CCDC102B: variants seen among roughly 807,000 people sequenced by gnomAD.
CCDC102B encodes coiled-coil domain-containing protein 102B.
CCDC102B carries 75 observed loss-of-function variants against 57.4 expected under a neutral mutation model. The observed-to-expected ratio is 1.31, with a 90% CI of 1.08 to 1.58. The LOEUF is 1.58. Among genes scored for constraint, CCDC102B ranks in the 40% most tolerant of loss-of-function variants. The probability of loss-of-function intolerance (pLI) is 0.00; values close to 1 mark genes in which losing one functional copy is unlikely to be tolerated. For missense variants in CCDC102B, 636 were observed against 582.6 expected (o/e 1.09, Z -0.94); for synonymous variants, 206 against 201.9 (o/e 1.02, Z -0.17).
intron 7 of CCDC102B, among the ~76,000 whole-genome samples, chr18:69,050,101 G>A (rs1228026368): frequency 9.2e-5 from 14 of 152,090 alleles, no homozygotes; most frequent in Non-Finnish European, 1.0e-4. Flanking sequence ...GAGCCACTGC[G>A]CACGGCCTTA....
chr18:68,733,796 T>G (rs985538631), intron 2 of CCDC102B, among the ~76,000 whole-genome samples: 2 of 152,122 alleles, frequency 1.3e-5, no homozygotes, highest in East Asian at 1.9e-4. Flanking sequence ...TCTTTCCACT[T>G]TGTGATGCCT....
intron 6 of CCDC102B, chr18:68,908,566 T>C (rs1264240522): frequency 6.6e-6 from 1 of 152,160 alleles, no homozygotes; most frequent in Non-Finnish European, 1.5e-5. Context: ...TGCATTCTGT[T>C]TACTTTCACC....
chr18:68,926,141 C>A (rs537249242), intron 6 of CCDC102B, among the ~76,000 whole-genome samples: 1 of 151,844 alleles, frequency 6.6e-6, no homozygotes, highest in South Asian at 2.1e-4. Context: ...TTTCATGATT[C>A]TTTCTTAAAT....
chr18:68,995,574 T>C (rs973586616), intron 6 of CCDC102B, among the ~76,000 whole-genome samples: 2 of 151,974 alleles, frequency 1.3e-5, no homozygotes, highest in Admixed American at 6.6e-5. Flanking sequence ...TTCCACATGG[T>C]GTTCGGCCTG....
At chr18:68,737,010 G>A (rs776151587) in intron 2 of CCDC102B, among the ~76,000 whole-genome samples, 1 of 152,002 alleles carries the variant, frequency 6.6e-6, no homozygotes, top group South Asian at 2.1e-4. Context: ...ACAAGAGTTG[G>A]TTAAGTCTTG....
intron 6 of CCDC102B, among the ~76,000 whole-genome samples, chr18:69,008,495 C>T (rs1007994172): frequency 1.3e-5 from 2 of 152,108 alleles, no homozygotes; most frequent in African/African-American, 4.8e-5. Context: ...GATTTTGACT[C>T]CTATGGAATG....
In CCDC102B at chr18:68,970,371, A is replaced by G. The variant is rs148220628; in HGVS notation, c.1264-40563A>G. Among the ~76,000 whole-genome samples, 5 of 152,168 alleles carry G rather than the reference A, an allele frequency of 3.3e-5. No homozygotes were observed. In the East Asian group the frequency reaches 9.7e-4, roughly 29 times the overall value. ...ATATTCATGTTTTATCCTACATAAT[A>G]CTTCATTTAAAATATTTGTCCATGT... On this transcript the variant is annotated intron_variant, in intron 6 of 7. Coordinates refer to ENST00000360242, the MANE Select transcript of CCDC102B (RefSeq NM_024781.3).
Position 68,897,036 on chromosome 18 carries a change from T to C in CCDC102B, c.1054-183T>C, listed in dbSNP as rs188155071. Among the ~76,000 whole-genome samples, 30 of 152,166 alleles carry C rather than the reference T, an allele frequency of 2.0e-4. No homozygotes were observed. In the East Asian group the frequency reaches 5.6e-3, roughly 28 times the overall value. ...AGAGGAAAAGTATATTTATCTACGGTTTGGCCTGATCTTAGGATTTTTGTA... is the reference window on the plus strand; with the variant it reads ...AGAGGAAAAGTATATTTATCTACGGCTTGGCCTGATCTTAGGATTTTTGTA... On this transcript the variant is annotated intron_variant, in intron 5 of 7. Coordinates refer to ENST00000360242, the MANE Select transcript of CCDC102B (RefSeq NM_024781.3).
chr18:69,019,816 A>T (rs1161026598), intron 7 of CCDC102B, among the ~76,000 whole-genome samples: 1 of 152,100 alleles, frequency 6.6e-6, no homozygotes, highest in Non-Finnish European at 1.5e-5. Context: ...CTTGGAAGAA[A>T]TTTTTTGAGT....
chr18:68,903,140 A>G (rs1481321257), intron 6 of CCDC102B, among the ~76,000 whole-genome samples: 2 of 152,244 alleles, frequency 1.3e-5, no homozygotes, highest in African/African-American at 4.8e-5. Flanking sequence ...TCTAATTGAC[A>G]TAATTGAGAG....
At chr18:68,910,779 C>T (rs1476362389) in intron 6 of CCDC102B, among the ~76,000 whole-genome samples, 3 of 152,106 alleles carry the variant, frequency 2.0e-5, no homozygotes, top group African/African-American at 7.2e-5. Context: ...GTTTGACTTC[C>T]TCTGAAATCT....
chr18:68,967,427 A>G (rs1355260763), intron 6 of CCDC102B, among the ~76,000 whole-genome samples: 1 of 151,324 alleles, frequency 6.6e-6, no homozygotes. Flanking sequence ...TTTAGCACAA[A>G]TTCACTATAA....
intron 2 of CCDC102B, among the ~76,000 whole-genome samples, chr18:68,737,481 GGTGTGTGTATGT>G (rs1214687213): frequency 2.6e-5 from 4 of 151,406 alleles, no homozygotes; most frequent in Admixed American, 1.3e-4. Flanking sequence ...TAGTGGCAGT[GGTGTGTGTATGT>G]GTGTGTGTCT....
At chr18:69,012,190 G>A (rs987090497) in intron 7 of CCDC102B, among the ~76,000 whole-genome samples, 11 of 152,058 alleles carry the variant, frequency 7.2e-5, no homozygotes, top group African/African-American at 2.7e-4. Flanking sequence ...TAGTAGGAAG[G>A]CTCAAGAATG....
intron 2 of CCDC102B, among the ~76,000 whole-genome samples, chr18:68,751,072 C>T (rs1323828045): frequency 6.6e-6 from 1 of 151,684 alleles, no homozygotes; most frequent in Non-Finnish European, 1.5e-5. Flanking sequence ...TCATGCTGCA[C>T]AGAGAGATAA....
intron 2 of CCDC102B, among the ~76,000 whole-genome samples, chr18:68,760,852 CTT>C (rs919426094): frequency 2.0e-5 from 3 of 152,064 alleles, no homozygotes; most frequent in Admixed American, 6.6e-5. Flanking sequence ...GAATTGAAAA[CTT>C]TTCAGGATAG....
chr18:68,816,467 T>C (rs1266130509), intron 1 of CCDC102B, among the ~76,000 whole-genome samples: 9 of 126,690 alleles, frequency 7.1e-5, no homozygotes, highest in South Asian at 3.1e-4. Flanking sequence ...TTCTTTTTTT[T>C]TTTTTTTTTT....
chr18:68,937,515 C>A (rs981111288), intron 6 of CCDC102B, among the ~76,000 whole-genome samples: 1 of 151,974 alleles, frequency 6.6e-6, no homozygotes, highest in Non-Finnish European at 1.5e-5. Flanking sequence ...GGTGACTTTG[C>A]AAAAATGCAA....
chr18:69,012,126 G>A (rs1023905585), intron 7 of CCDC102B, among the ~76,000 whole-genome samples: 1 of 152,050 alleles, frequency 6.6e-6, no homozygotes, highest in Admixed American at 6.6e-5. Flanking sequence ...ACTTTGTAAT[G>A]ATATTCATGT....
Sources: allele counts gnomAD v4.1 joint callset (sites outside exome capture counted in the v4.1 genomes callset), GRCh38; gene constraint gnomAD v4.1.1; transcripts MANE v1.5; gene names NCBI Gene and HGNC (gene_info 2026-07-23, HGNC 2026-07-21).